Variants in ARL5A observed in about 807,000 individuals in gnomAD.
ARL5A encodes the protein ADP-ribosylation factor-like protein 5A.
ARL5A carries 18 observed loss-of-function variants against 25.9 expected under a neutral mutation model. The ratio of observed to expected loss-of-function variants is 0.69; its 90% CI spans 0.48 to 1.03. ARL5A has a LOEUF of 1.03. ARL5A is among the 50% of genes least tolerant of loss of function. ARL5A has a pLI of 0.00. For synonymous variants in ARL5A, 61 were observed against 67.5 expected, an observed-to-expected ratio of 0.90 and a Z score of 0.47; for missense variants, 170 against 211.9, an observed-to-expected ratio of 0.80 and a Z score of 1.23.
At chr2:151,822,077 T>G (rs2099832416) in intron 1 of ARL5A, among the ~76,000 whole-genome samples, 1 of 152,152 alleles carries the variant, frequency 6.6e-6, no homozygotes, top group South Asian at 2.1e-4. Flanking sequence ...CTTGAACTCC[T>G]GACCTCATGA....
intron 1 of ARL5A, among the ~76,000 whole-genome samples, chr2:151,820,684 AACAG>A (rs1475396345): frequency 6.6e-6 from 1 of 150,964 alleles, no homozygotes. Flanking sequence ...AAAAAAAAAA[AACAG>A]AATCCATATG....
chr2:151,807,898 T>C (rs1350869206), intron 4 of ARL5A, among the ~76,000 whole-genome samples: 1 of 152,122 alleles, frequency 6.6e-6, no homozygotes, highest in Non-Finnish European at 1.5e-5. Context: ...TTTCCGAATG[T>C]AATTGTGCAC....
intron 1 of ARL5A, among the ~76,000 whole-genome samples, chr2:151,822,574 T>C (rs1317734857): frequency 6.6e-6 from 1 of 152,224 alleles, no homozygotes; most frequent in Non-Finnish European, 1.5e-5. Flanking sequence ...CAAAAAGTGC[T>C]ATAATGCACT....
chr2:151,807,518 A>G (rs2099830251), intron 4 of ARL5A, among the ~76,000 whole-genome samples: 1 of 152,200 alleles, frequency 6.6e-6, no homozygotes, highest in Non-Finnish European at 1.5e-5. Context: ...AGCTCCAAAG[A>G]AAACGATGAG....
chr2:151,812,318 C>T (rs1465319235), intron 4 of ARL5A, 39 bp downstream of exon 4: 3 of 1,388,360 alleles, frequency 2.2e-6, no homozygotes, highest in East Asian at 2.3e-5. Context: ...GATTCCCATA[C>T]CCTTCCCCAT....
intron 1 of ARL5A, among the ~76,000 whole-genome samples, chr2:151,826,106 G>C (rs1296063630): frequency 6.6e-6 from 1 of 152,094 alleles, no homozygotes; most frequent in East Asian, 1.9e-4. Flanking sequence ...TGGTGACAGA[G>C]CAAGACTCCA....
Position 151,828,382 on chromosome 2 carries a change from C to A in ARL5A, c.-206G>T, listed in dbSNP as rs1020883768. The stretch of plus-strand genomic sequence containing the variant: ...CAAGGCCCCGCCGCTGCCGCCGCGG[C>A]ACTCGCCTGGCTCGCGGACATCGCC... On this transcript the variant is annotated 5_prime_UTR_variant, in exon 1 of 6. Transcript: ENST00000295087. 4 of 450,290 alleles carry A rather than the reference C, an allele frequency of 8.9e-6. No homozygotes were observed. Among genetic ancestry groups the A allele is most frequent in the South Asian group, 4.0e-5 (1 of 24,872 alleles). The allele number at this position is 450,290 out of a possible 1,614,324, so 27.9% of individuals were successfully genotyped here.
intron 4 of ARL5A, among the ~76,000 whole-genome samples, chr2:151,809,078 T>G (rs754586290): frequency 6.6e-6 from 1 of 152,136 alleles, no homozygotes; most frequent in Admixed American, 6.5e-5. Flanking sequence ...TTATCAATAG[T>G]TGTTATGTGG....
chr2:151,828,231 G>C lies in ARL5A; in HGVS notation c.-55C>G. ...CACCCGGGCCGCCTGGCTTCCCCCG[G>C]CTCAGGCTGAGGGGGAGGAGAGAGA... On this transcript the variant is annotated 5_prime_UTR_variant, in exon 1 of 6. Transcript: ENST00000295087. The C allele has an allele frequency of 3.2e-6, 5 of 1,549,002 alleles. No homozygotes were observed. Among genetic ancestry groups the C allele is most frequent in the Non-Finnish European group, 4.4e-6 (5 of 1,126,626 alleles).
chr2:151,803,252 T>C lies in ARL5A; in HGVS notation c.*24A>G, dbSNP rs1178927572. Reference sequence around the variant, plus strand: ...AGTCCAGCACTTCATTTATACAAAATCTATGAGAAGAGGTCAGTAGAGATC... The same window carrying C: ...AGTCCAGCACTTCATTTATACAAAACCTATGAGAAGAGGTCAGTAGAGATC... On this transcript the variant is annotated 3_prime_UTR_variant, in exon 6 of 6. Coordinates refer to ENST00000295087, the MANE Select transcript of ARL5A (RefSeq NM_012097.4). 20 of 1,592,214 alleles carry C rather than the reference T, an allele frequency of 1.3e-5. No individual in the cohort carries two copies. The highest frequency in any genetic ancestry group is 1.5e-5 in the Non-Finnish European group (18 of 1,161,692).
At position 151,828,290 on chromosome 2, in the gene ARL5A, G is replaced by T; in HGVS notation, c.-114C>A. On this transcript the variant is annotated 5_prime_UTR_variant, in exon 1 of 6. Coordinates refer to ENST00000295087, the MANE Select transcript of ARL5A (RefSeq NM_012097.4). ...AGCCTCCGCCTCTGCTGCTGCTCCC[G>T]CGCTGGTCGCGGGCCCGCTTCCAGG... 2 of 942,048 alleles carry T rather than the reference G, an allele frequency of 2.1e-6. No homozygotes were observed. Among genetic ancestry groups the T allele is most frequent in the East Asian group, 3.2e-5 (1 of 31,470 alleles). 58.4% of individuals were successfully genotyped at this position (942,048 alleles called of 1,614,324 possible).
rs1442559969 is a variant in ARL5A at position 151,801,386 on chromosome 2, A to T, written c.*1890T>A. The stretch of plus-strand genomic sequence containing the variant: ...CAAATTAAAACATAAAAAGGACAAA[A>T]GGTGTGGATTTTCTGGGCTACATCA... On this transcript the variant is annotated 3_prime_UTR_variant, in exon 6 of 6. Coordinates refer to ENST00000295087, the MANE Select transcript of ARL5A (RefSeq NM_012097.4). 6 of 152,158 alleles carry T rather than the reference A, an allele frequency of 3.9e-5. No individual in the cohort carries two copies. The highest frequency in any genetic ancestry group is 7.4e-5 in the Non-Finnish European group (5 of 67,988). The allele number at this position is 152,158 out of a possible 1,614,324, so 9.4% of individuals were successfully genotyped here. A position where few individuals can be genotyped will look rare whatever the true frequency, so the allele number is the denominator to read the frequency against.
At chr2:151,810,583 G>A (rs1348749326) in intron 4 of ARL5A, 2 of 440,774 alleles carry the variant, frequency 4.5e-6, no homozygotes, top group Non-Finnish European at 9.1e-6. Flanking sequence ...GAGTCTGAAT[G>A]AGAATACTCA....
In ARL5A at chr2:151,818,242, C is replaced by A. The variant is rs139096110; in HGVS notation, c.47-3043G>T. On this transcript the variant is annotated intron_variant, in intron 1 of 5. Coordinates refer to ENST00000295087, the MANE Select transcript of ARL5A (RefSeq NM_012097.4). ...TTACTTGGGGAGCATGGAATCCCAA[C>A]CACAAGGAGTGTTACAGGCTGCAAT... Among the ~76,000 whole-genome samples the A allele has an allele frequency of 2.2e-4, 34 of 152,288 alleles. No homozygotes were observed. The East Asian group carries it at 6.0e-3, about 27-fold the overall frequency.
intron 1 of ARL5A, among the ~76,000 whole-genome samples, chr2:151,819,554 C>T (rs1208227279): frequency 2.0e-5 from 3 of 152,048 alleles, no homozygotes; most frequent in Admixed American, 6.5e-5. Flanking sequence ...AATAGTAGGA[C>T]ATACCAGTGG....
intron 4 of ARL5A, among the ~76,000 whole-genome samples, chr2:151,810,006 C>G (rs1337656860): frequency 6.6e-6 from 1 of 152,064 alleles, no homozygotes; most frequent in Admixed American, 6.6e-5. Context: ...TTGCTTGAAC[C>G]CAGAAGATGG....
At chr2:151,821,644 G>A (rs1234888776) in intron 1 of ARL5A, among the ~76,000 whole-genome samples, 1 of 152,114 alleles carries the variant, frequency 6.6e-6, no homozygotes, top group African/African-American at 2.4e-5. Context: ...TCTCGCTGTT[G>A]CCCAGGCTAG....
At chr2:151,825,217 A>T (rs978606904) in intron 1 of ARL5A, among the ~76,000 whole-genome samples, 1 of 152,082 alleles carries the variant, frequency 6.6e-6, no homozygotes, top group Non-Finnish European at 1.5e-5. Context: ...GCTCTTCTAT[A>T]AAAAAAAGTT....
intron 4 of ARL5A, among the ~76,000 whole-genome samples, chr2:151,810,201 A>G (rs778350737): frequency 2.6e-5 from 4 of 152,238 alleles, no homozygotes; most frequent in Admixed American, 6.5e-5. Flanking sequence ...AATGAGTTCT[A>G]AAGTTGTATA....
Sources: gnomAD v4.1 joint callset for allele counts (sites outside exome capture counted in the v4.1 genomes callset) on GRCh38, gnomAD v4.1.1 for gene constraint, MANE v1.5 for transcripts, NCBI Gene and HGNC (gene_info 2026-07-23, HGNC 2026-07-21) for gene names.